Variants in PCDHGB3 observed in about 807,000 individuals in gnomAD.
PCDHGB3 encodes the protein protocadherin gamma subfamily B, 3.
PCDHGB3 carries 40 observed loss-of-function variants against 59.2 expected under a neutral mutation model. That is an observed-to-expected ratio of 0.68 (90% CI 0.52 to 0.88). PCDHGB3 has a LOEUF of 0.88. PCDHGB3 is among the 40% of genes least tolerant of loss of function. The pLI is 0.00. For synonymous variants in PCDHGB3, 581 were observed against 503.6 expected (o/e 1.15, Z -2.06); for missense variants, 1,309 against 1,187.9 (o/e 1.10, Z -1.50).
rs745658462 is a variant in PCDHGB3 at position 141,414,720 on chromosome 5, T to C, written c.2415+41911T>C. 6 of 1,614,132 alleles carry C rather than the reference T, an allele frequency of 3.7e-6. No homozygotes were observed. The East Asian group carries it at 1.3e-4, about 36-fold the overall frequency. ...CATACATATCCATCAACTCAGACAC[T>C]GGCGTCCTGTATGCACTCAGATCCT... On this transcript the variant is annotated intron_variant, in intron 1 of 3. Coordinates refer to ENST00000576222, the MANE Select transcript of PCDHGB3 (RefSeq NM_018924.5).
intron 1 of PCDHGB3, among the ~76,000 whole-genome samples, chr5:141,467,361 G>A (rs555435172): frequency 1.3e-5 from 2 of 151,860 alleles, no homozygotes; most frequent in South Asian, 4.2e-4. Context: ...CCAAATCAAC[G>A]TTTTCTTATA....
chr5:141,390,373 AT>A, intron 1 of PCDHGB3: 1 of 1,481,206 alleles, frequency 6.8e-7, no homozygotes, highest in Non-Finnish European at 9.2e-7. Flanking sequence ...AAAATATATA[AT>A]TTTTAGATGT....
Position 141,486,453 on chromosome 5 carries a change from C to T in PCDHGB3, c.2416-8354C>T, listed in dbSNP as rs776820667. 6.2e-6 allele frequency: 10 copies of T among 1,614,114 alleles called. No homozygotes were observed. The highest frequency in any genetic ancestry group is 1.1e-5 in the South Asian group (1 of 91,082). On this transcript the variant is annotated intron_variant, in intron 1 of 3. Transcript: ENST00000576222. The surrounding 1 kb of genome is among the most constrained non-coding windows in gnomAD (Gnocchi z 5.0). ...TCTAGCTATGACATCATGGTCACTGCTTCTGATGCTGGGAACCCTCCTCTC... is the reference window on the plus strand; with the variant it reads ...TCTAGCTATGACATCATGGTCACTGTTTCTGATGCTGGGAACCCTCCTCTC...
At chr5:141,373,732 C>T (rs969264007) in intron 1 of PCDHGB3, among the ~76,000 whole-genome samples, 1 of 152,174 alleles carries the variant, frequency 6.6e-6, no homozygotes, top group African/African-American at 2.4e-5. Flanking sequence ...CTTCTAAATG[C>T]TTCATTATCT....
chr5:141,409,447 A>C, intron 1 of PCDHGB3: 1 of 1,614,008 alleles, frequency 6.2e-7, no homozygotes, highest in Non-Finnish European at 8.5e-7. Context: ...GAGAGCAGAC[A>C]CCAGAATACA....
At chr5:141,422,503 A>G (rs2096653107) in intron 1 of PCDHGB3, 2 of 1,613,924 alleles carry the variant, frequency 1.2e-6, no homozygotes, top group Non-Finnish European at 1.7e-6. Context: ...GTTGACAGCC[A>G]CAGACCAGGG....
chr5:141,478,553 T>C, intron 1 of PCDHGB3: 1 of 1,602,704 alleles, frequency 6.2e-7, no homozygotes. Context: ...ACAGGTAAGG[T>C]TTAGCAAGTC....
chr5:141,427,711 A>G, intron 1 of PCDHGB3: 1 of 1,036,496 alleles, frequency 9.6e-7, no homozygotes. Context: ...AGCGCCTCTG[A>G]CCTGGACCTA....
rs772444495 is a variant in PCDHGB3 at position 141,491,766 on chromosome 5, T to C, written c.2416-3041T>C. 14 of 1,567,738 alleles carry C rather than the reference T, an allele frequency of 8.9e-6. No homozygotes were observed. The African/African-American group carries it at 1.6e-4, about 18-fold the overall frequency. ...GCACTGGAGAAGCCGCCCGTCCTCA[T>C]AAGGGATTGAACTTGCATCCACTCC... On this transcript the variant is annotated intron_variant, in intron 1 of 3. Coordinates refer to ENST00000576222, the MANE Select transcript of PCDHGB3 (RefSeq NM_018924.5). The surrounding 1 kb of genome is among the most constrained non-coding windows in gnomAD (Gnocchi z 6.9).
intron 1 of PCDHGB3, chr5:141,395,894 C>G (rs768471284): frequency 1.3e-5 from 2 of 152,020 alleles, no homozygotes; most frequent in Non-Finnish European, 2.9e-5. Flanking sequence ...CACCTGGGCT[C>G]CATGCCCATG....
intron 1 of PCDHGB3, among the ~76,000 whole-genome samples, chr5:141,444,885 T>C (rs547403761): frequency 6.6e-6 from 1 of 152,320 alleles, no homozygotes; most frequent in African/African-American, 2.4e-5. Flanking sequence ...TGTAGGATTT[T>C]TGAATGGGAT....
intron 1 of PCDHGB3, among the ~76,000 whole-genome samples, chr5:141,386,754 C>T (rs1026748961): frequency 9.8e-5 from 15 of 152,302 alleles, no homozygotes; most frequent in Admixed American, 3.3e-4. Flanking sequence ...GGCAGAACTA[C>T]GGTTATAAGG....
chr5:141,372,523 C>G lies in PCDHGB3; in HGVS notation c.2129C>G (p.Ala710Gly). 1 of 1,614,018 alleles carries G rather than the reference C, an allele frequency of 6.2e-7. No homozygotes were observed. Among genetic ancestry groups the G allele is most frequent in the Non-Finnish European group, 8.5e-7 (1 of 1,179,870 alleles). ...SVLFLLAVIL[A>G]ISLRLRCSSR... ...CTCTTCCTCCTCGCGGTGATTCTGG[C>G]AATCTCCCTGCGCCTGCGATGCTCC... The change falls in exon 1 of 4, where the codon GCA becomes GGA. Residue 710 changes from alanine (A) to glycine (G), a missense_variant. Physicochemically the swap from Ala to Gly is moderately conservative, Grantham distance 60 (BLOSUM62 0). Coordinates refer to ENST00000576222, the MANE Select transcript of PCDHGB3 (RefSeq NM_018924.5).
intron 1 of PCDHGB3, chr5:141,413,903 C>T (rs1038159413): frequency 2.5e-6 from 4 of 1,613,308 alleles, no homozygotes; most frequent in Non-Finnish European, 3.4e-6. Flanking sequence ...AATGACAACG[C>T]GCCGGTCTTC....
Position 141,476,383 on chromosome 5 carries a change from C to G in PCDHGB3, c.2416-18424C>G, listed in dbSNP as rs547854431. ...GGGAGACCGGAGAGATGTTTGTGAACGACCGTCTGGATCGAGAGGAGCTGT... is the reference window on the plus strand; with the variant it reads ...GGGAGACCGGAGAGATGTTTGTGAAGGACCGTCTGGATCGAGAGGAGCTGT... On this transcript the variant is annotated intron_variant, in intron 1 of 3. Transcript: ENST00000576222. The surrounding 1 kb of genome is among the most constrained non-coding windows in gnomAD (Gnocchi z 7.6). 1.2e-6 allele frequency: 2 copies of G among 1,614,102 alleles called. No homozygotes were observed. Among genetic ancestry groups the G allele is most frequent in the Middle Eastern group, 3.3e-4 (2 of 6,062 alleles).
chr5:141,430,659 G>A, intron 1 of PCDHGB3: 1 of 1,110,600 alleles, frequency 9.0e-7, no homozygotes, highest in Non-Finnish European at 1.2e-6. Context: ...AACAACGGAG[G>A]AGCTCTGACT....
rs771124496 is a variant in PCDHGB3, at chr5:141,489,457, C to T, written c.2416-5350C>T. The T allele has an allele frequency of 1.2e-5, 19 of 1,613,882 alleles. No homozygotes were observed. The highest frequency in any genetic ancestry group is 6.7e-5 in the African/African-American group (5 of 74,896). Reference sequence around the variant, plus strand: ...GCAATTGGGCTCTGAGGAGAATGGGCGCTATTTTTCCCTGAGCTTGATGAG... The same window carrying T: ...GCAATTGGGCTCTGAGGAGAATGGGTGCTATTTTTCCCTGAGCTTGATGAG... On this transcript the variant is annotated intron_variant, in intron 1 of 3. Coordinates refer to ENST00000576222, the MANE Select transcript of PCDHGB3 (RefSeq NM_018924.5). The surrounding 1 kb of genome is among the most constrained non-coding windows in gnomAD (Gnocchi z 4.5).
chr5:141,443,478 C>T (rs2098390426), intron 1 of PCDHGB3, among the ~76,000 whole-genome samples: 1 of 152,052 alleles, frequency 6.6e-6, no homozygotes, highest in East Asian at 1.9e-4. Context: ...AGAATTAGAC[C>T]CTGTCCCAAA....
Position 141,371,216 on chromosome 5 carries a change from T to C in PCDHGB3, c.822T>C (p.Asn274=), listed in dbSNP as rs375835701. 3.1e-6 allele frequency: 5 copies of C among 1,614,056 alleles called. No individual in the cohort carries two copies. Among genetic ancestry groups the C allele is most frequent in the Middle Eastern group, 1.6e-4 (1 of 6,062 alleles). The part of the protein sequence containing the change: ...VMAIDMDEGI[N]AEIIYAFINI... ...CCATTGACATGGATGAGGGCATCAA[T>C]GCCGAAATCATCTATGCCTTCATCA... Residue 274 remains asparagine, a synonymous_variant, in exon 1 of 4, where the codon AAT becomes AAC. Coordinates refer to ENST00000576222, the MANE Select transcript of PCDHGB3 (RefSeq NM_018924.5).
Sources: allele counts gnomAD v4.1 joint callset (sites outside exome capture counted in the v4.1 genomes callset), GRCh38; gene constraint gnomAD v4.1.1; non-coding constraint Gnocchi (gnomAD v3.1); transcripts MANE v1.5; gene names NCBI Gene and HGNC (gene_info 2026-07-23, HGNC 2026-07-21).